SRCAP: variants seen among roughly 807,000 people sequenced by gnomAD.
SRCAP encodes the protein Snf2 related CREBBP activator protein, also known as chromatin remodeling protein SRCAP.
A neutral mutation model predicts 263.1 loss-of-function variants in SRCAP; 46 were observed. The observed-to-expected ratio is 0.17, with a 90% confidence interval of 0.14 to 0.22. The LOEUF (loss-of-function observed/expected upper bound fraction) is 0.22, where lower values mean the gene tolerates loss of function less well. Among genes scored for constraint, SRCAP ranks in the 10% least tolerant of loss-of-function variants. The pLI, the probability that SRCAP is intolerant of heterozygous loss-of-function variation, is 1.00. For synonymous variants in SRCAP, 1,813 were observed against 1,662.1 expected (o/e 1.09, Z -2.21); for missense variants, 3,695 against 4,181.9 (o/e 0.88, Z 3.21).
chr16:30,729,134 C>T lies in SRCAP; in HGVS notation c.5827C>T (p.Pro1943Ser), dbSNP rs372463671. Residue 1943 changes from proline (P) to serine (S), a missense_variant, in exon 26 of 34, where the codon CCC (proline) becomes TCC (serine). By Grantham distance (74) the Pro-to-Ser change is moderately conservative. This residue lies in a region of SRCAP where 1,347 missense variants were observed against 1,304.4 expected (regional missense o/e 1.03). Coordinates refer to ENST00000262518, the MANE Select transcript of SRCAP (RefSeq NM_006662.3). ...CCCCATCGGCCCTCGTTCTCCTGGCCCCAGCCACCCCACCTTTTGGACTTA... is the reference window on the plus strand; with the variant it reads ...CCCCATCGGCCCTCGTTCTCCTGGCTCCAGCCACCCCACCTTTTGGACTTA... ...ASPIGPRSPG[P>S]SHPTFWTYTE... 6 of 1,614,070 alleles carry T rather than the reference C, an allele frequency of 3.7e-6. No homozygotes were observed. In the African/African-American group the frequency reaches 5.3e-5, roughly 14 times the overall value.
At position 30,739,832 on chromosome 16, in the gene SRCAP, C is replaced by A. The variant is rs2053207538; in HGVS notation, c.*99C>A. Reference sequence around the variant, plus strand: ...TACTTGAAGTCTTGAGGGGGAAAGCCTCCAGGGAGACATAGGGGCCTTCTC... The same window carrying A: ...TACTTGAAGTCTTGAGGGGGAAAGCATCCAGGGAGACATAGGGGCCTTCTC... On this transcript the variant is annotated 3_prime_UTR_variant, in exon 34 of 34. Coordinates refer to ENST00000262518, the MANE Select transcript of SRCAP (RefSeq NM_006662.3). 7.1e-7 allele frequency: 1 copy of A among 1,417,386 alleles called. No individual in the cohort carries two copies. The highest frequency in any genetic ancestry group is 1.5e-5 in the African/African-American group (1 of 68,840). 87.8% of individuals were successfully genotyped at this position (1,417,386 alleles called of 1,614,324 possible).
chr16:30,716,105 G>A lies in SRCAP; in HGVS notation c.2533G>A (p.Val845Ile). Residue 845 changes from valine to isoleucine, a missense_variant, in exon 17 of 34, where the codon GTT becomes ATT. By Grantham distance (29) the Val-to-Ile change is conservative. This residue lies in a region of SRCAP where 121 missense variants were observed against 330.7 expected (regional missense o/e 0.37). Transcript: ENST00000262518. ...TTTACTGCGCCGAGTTAAGGTGGAT[G>A]TTGAGAAGCAGATGCCCAAAAAGTA... ...PFLLRRVKVDVEKQMPKKYEH... is the reference protein window; with the variant it reads ...PFLLRRVKVDIEKQMPKKYEH... 1 of 1,614,224 alleles carries A rather than the reference G, an allele frequency of 6.2e-7. No individual in the cohort carries two copies. Among genetic ancestry groups the A allele is most frequent in the Non-Finnish European group, 8.5e-7 (1 of 1,180,046 alleles).
At chr16:30,703,898 A>G in intron 3 of SRCAP, among the ~76,000 whole-genome samples, 166 bp from the exon 4 acceptor site, 1 of 65,164 alleles carries the variant, frequency 1.5e-5, no homozygotes, top group South Asian at 1.8e-3. Context: ...CTCCATCTCA[A>G]AAAAATAAAA....
Position 30,716,732 on chromosome 16 carries a change from C to T in SRCAP, c.2817+253C>T, listed in dbSNP as rs535242500. Among the ~76,000 whole-genome samples, 4 of 152,272 alleles carry T rather than the reference C, an allele frequency of 2.6e-5. No individual in the cohort carries two copies. In the East Asian group the frequency reaches 5.8e-4, roughly 22 times the overall value. On this transcript the variant is annotated intron_variant, in intron 18 of 33. Coordinates refer to ENST00000262518, the MANE Select transcript of SRCAP (RefSeq NM_006662.3). ...TCTGGACTTAGAATGATTCAGCTTA[C>T]AATTTTTTACTTTTTGATGGGCTTA...
chr16:30,720,799 G>A lies in SRCAP; in HGVS notation c.3074G>A (p.Arg1025Gln), dbSNP rs759562978. ...GCGCCCCTGGGCCCTGTCCCAGTTC[G>A]ACCTCCTCCAGGTCCTGAGCTCTCA... ...PRAPLGPVPV[R>Q]PPPGPELSAQ... The change falls in exon 20 of 34, where the codon CGA (arginine) becomes CAA (glutamine). Residue 1025 changes from arginine to glutamine, a missense_variant. By Grantham distance (43) the Arg-to-Gln change is conservative. Around this residue, in one of 12 missense-constraint regions of SRCAP, gnomAD observed 1,347 missense variants for 1,304.4 expected, o/e 1.03. Transcript: ENST00000262518. 81 of 1,613,954 alleles carry A rather than the reference G, an allele frequency of 5.0e-5. No individual in the cohort carries two copies. The highest frequency in any genetic ancestry group is 6.4e-5 in the Non-Finnish European group (76 of 1,180,020).
rs2053008638 is a variant in SRCAP, at chr16:30,721,258, C to G, written c.3323C>G (p.Pro1108Arg). Residue 1108 changes from proline to arginine, a missense_variant, in exon 21 of 34, where the codon CCA becomes CGA. Pro to Arg is a moderately radical substitution (Grantham distance 103). Coordinates refer to ENST00000262518, the MANE Select transcript of SRCAP (RefSeq NM_006662.3). ...CCCACGCCAACCTTGTCCCTAAAGC[C>G]AACACCACCTGCCCCAGTTCGCCTG... ...RPPTPTLSLK[P>R]TPPAPVRLSP... 6.2e-7 allele frequency: 1 copy of G among 1,614,104 alleles called. No individual in the cohort carries two copies. The highest frequency in any genetic ancestry group is 1.1e-5 in the South Asian group (1 of 91,086).
chr16:30,708,445 G>T (rs2052851355), intron 6 of SRCAP, among the ~76,000 whole-genome samples: 1 of 151,742 alleles, frequency 6.6e-6, no homozygotes, highest in South Asian at 2.1e-4. Context: ...CCGTCACCTA[G>T]GGCAGTGGCG....
At position 30,738,094 on chromosome 16, in the gene SRCAP, C is replaced by G; in HGVS notation, c.8054C>G (p.Ser2685Cys). The G allele has an allele frequency of 6.2e-7, 1 of 1,614,144 alleles. No homozygotes were observed. The highest frequency in any genetic ancestry group is 8.5e-7 in the Non-Finnish European group (1 of 1,180,044). The change falls in exon 34 of 34, where the codon TCC becomes TGC. Residue 2685 changes from serine (S) to cysteine (C), a missense_variant. Around this residue, in one of 12 missense-constraint regions of SRCAP, gnomAD observed 1,207 missense variants for 1,142.9 expected, o/e 1.06. Transcript: ENST00000262518. ...CTGACAGAGGCCAAGACCCCAACCT[C>G]CAGCCCAGAGAAGCCACAGGAACTC... ...EELTEAKTPT[S>C]SPEKPQELVT...
At chr16:30,709,469 A>T in intron 6 of SRCAP, 44 bp from the exon 7 acceptor site, 1 of 1,603,504 alleles carries the variant, frequency 6.2e-7, no homozygotes, top group Non-Finnish European at 8.5e-7. Flanking sequence ...GTACATAAAT[A>T]AAATGGTTAT....
Position 30,709,668 on chromosome 16 carries a change from C to T in SRCAP, c.789C>T (p.Ser263=). 6.2e-7 allele frequency: 1 copy of T among 1,614,214 alleles called. No homozygotes were observed. Among genetic ancestry groups the T allele is most frequent in the Non-Finnish European group, 8.5e-7 (1 of 1,180,048 alleles). Reference sequence around the variant, plus strand: ...TAACCTCCAGCAAAGCAGGCTCTTCCCCTTGCCTCGGCTCTTCCTCAGCTG... The same window carrying T: ...TAACCTCCAGCAAAGCAGGCTCTTCTCCTTGCCTCGGCTCTTCCTCAGCTG... ...QPLTSSKAGS[S]PCLGSSSAAS... Residue 263 remains serine, a synonymous_variant, in exon 7 of 34, where the codon TCC becomes TCT. Coordinates refer to ENST00000262518, the MANE Select transcript of SRCAP (RefSeq NM_006662.3).
chr16:30,703,736 A>C (rs1032623993), intron 3 of SRCAP, among the ~76,000 whole-genome samples: 4 of 151,702 alleles, frequency 2.6e-5, no homozygotes, highest in African/African-American at 9.7e-5. Flanking sequence ...CTCTACTAAA[A>C]ATACAAAAAA....
intron 8 of SRCAP, 40 bp downstream of exon 8, chr16:30,710,168 A>G (rs746908093): frequency 1.9e-6 from 3 of 1,590,012 alleles, no homozygotes; most frequent in Admixed American, 1.7e-5. Flanking sequence ...CAGAGGGGGA[A>G]CAGAGGGAGA....
intron 16 of SRCAP, 26 bp downstream of exon 16, chr16:30,713,737 GT>G: frequency 1.2e-6 from 2 of 1,609,094 alleles, no homozygotes; most frequent in Non-Finnish European, 1.7e-6. Flanking sequence ...GTTTGTCAGG[GT>G]ATTGGGAATG....
rs1248441557 is a variant in SRCAP at position 30,733,358 on chromosome 16, C to G, written c.6206C>G (p.Thr2069Ser). ...CGAGTGCTCATCTTCACCCAGATGA[C>G]CCGAATGCTGGATGTATTGGAGCAG... Reference protein sequence around the residue: ...GHRVLIFTQMTRMLDVLEQFL... With the variant: ...GHRVLIFTQMSRMLDVLEQFL... Residue 2069 changes from threonine to serine, a missense_variant, in exon 28 of 34, where the codon ACC becomes AGC. This residue lies in a region of SRCAP where 138 missense variants were observed against 254.9 expected (regional missense o/e 0.54). Transcript: ENST00000262518. This position sits in a 1 kb window ranked among gnomAD's most constrained non-coding sequence, Gnocchi z 5.3. 1 of 1,614,110 alleles carries G rather than the reference C, an allele frequency of 6.2e-7. No individual in the cohort carries two copies. Among genetic ancestry groups the G allele is most frequent in the Admixed American group, 1.7e-5 (1 of 60,016 alleles).
At position 30,737,907 on chromosome 16, in the gene SRCAP, G is replaced by A. The variant is rs1465399831; in HGVS notation, c.7867G>A (p.Glu2623Lys). 10 of 1,614,210 alleles carry A rather than the reference G, an allele frequency of 6.2e-6. No homozygotes were observed. The highest frequency in any genetic ancestry group is 1.3e-5 in the African/African-American group (1 of 75,046). The part of the protein sequence containing the change: ...AGSIPNGQEQ[E>K]APDSAEGTTL... ...CAGCATCCCCAATGGTCAAGAGCAG[G>A]AGGCACCAGATTCTGCTGAGGGGAC... Residue 2623 changes from glutamate to lysine, a missense_variant, in exon 34 of 34, where the codon GAG (glutamate) becomes AAG (lysine). Around this residue, in one of 12 missense-constraint regions of SRCAP, gnomAD observed 1,207 missense variants for 1,142.9 expected, o/e 1.06. Coordinates refer to ENST00000262518, the MANE Select transcript of SRCAP (RefSeq NM_006662.3).
chr16:30,700,248 C>CT (rs1393204344), intron 2 of SRCAP, among the ~76,000 whole-genome samples: 2 of 152,218 alleles, frequency 1.3e-5, no homozygotes, highest in African/African-American at 2.4e-5. Context: ...CCTCCTATCA[C>CT]TTTTTTACTG....
intron 3 of SRCAP, among the ~76,000 whole-genome samples, chr16:30,703,507 A>AT (rs1337510073): frequency 6.6e-6 from 1 of 151,194 alleles, no homozygotes; most frequent in South Asian, 2.1e-4. Flanking sequence ...ATATATATAT[A>AT]TTTTTAAGTT....
At chr16:30,713,132 A>G in intron 14 of SRCAP, 76 bp from the exon 15 acceptor site, 1 of 1,456,052 alleles carries the variant, frequency 6.9e-7, no homozygotes. Context: ...CTGTCCTTTG[A>G]GGAGTTTAGC....
chr16:30,711,000 G>A lies in SRCAP; in HGVS notation c.1230G>A (p.Ala410=), dbSNP rs1055845124. ...ATCTTGCTTCTGTCTCTTTCCTAGC[G>A]GAGGATGAAGAGGATACTATAGCAG... is the stretch of plus-strand genomic sequence containing the variant. ...DEEFTANEEE[A]EDEEDTIAAE... Residue 410 remains alanine, a splice_region_variant and synonymous_variant, in exon 10 of 34, where the codon GCG becomes GCA. Coordinates refer to ENST00000262518, the MANE Select transcript of SRCAP (RefSeq NM_006662.3). 4.2e-5 allele frequency: 68 copies of A among 1,613,662 alleles called. No homozygotes were observed. The Middle Eastern group carries it at 6.6e-4, about 16-fold the overall frequency.
Sources: gnomAD v4.1 joint callset for allele counts (sites outside exome capture counted in the v4.1 genomes callset) on GRCh38, gnomAD v4.1.1 for gene constraint, gnomAD v4.1.1 regional missense constraint, Gnocchi (gnomAD v3.1) non-coding constraint, MANE v1.5 for transcripts, NCBI Gene and HGNC (gene_info 2026-07-23, HGNC 2026-07-21) for gene names.